The following ADAP1 variants were observed in gnomAD, a reference collection of about 807,000 sequenced individuals.
The protein encoded by ADAP1 is arf-GAP with dual PH domain-containing protein 1.
ADAP1 carries 31 observed loss-of-function variants against 54.9 expected under a neutral mutation model. The observed-to-expected ratio is 0.56, with a 90% confidence interval of 0.42 to 0.76. ADAP1 has a LOEUF of 0.76. Ranked by LOEUF, ADAP1 falls within the 30% of genes least tolerant of loss-of-function variation. The probability of loss-of-function intolerance (pLI) is 0.00; values close to 1 mark genes in which losing one functional copy is unlikely to be tolerated. For synonymous variants in ADAP1, 313 were observed against 202.6 expected, an observed-to-expected ratio of 1.55 and a Z score of -4.63; for missense variants, 535 against 512.4, an observed-to-expected ratio of 1.04 and a Z score of -0.42.
In ADAP1 at chr7:945,932, G is replaced by T; in HGVS notation, c.82+8464C>A. The T allele has an allele frequency of 1.8e-6, 1 of 549,272 alleles. No individual in the cohort carries two copies. The highest frequency in any genetic ancestry group is 2.3e-6 in the Non-Finnish European group (1 of 431,306). The allele number at this position is 549,272 out of a possible 1,614,324, so 34.0% of individuals were successfully genotyped here. On this transcript the variant is annotated intron_variant, in intron 1 of 10. Coordinates refer to ENST00000265846, the MANE Select transcript of ADAP1 (RefSeq NM_006869.4). This position sits in a 1 kb window ranked among gnomAD's most constrained non-coding sequence, Gnocchi z 4.2. ...AGGGGGAAGGGCAGTAGCCAAGCCT[G>T]TCCATGGGGCCCTGGTTCCAGAGAC...
At chr7:900,960 C>A (rs1468703937) in intron 6 of ADAP1, 2 of 541,694 alleles carry the variant, frequency 3.7e-6, no homozygotes, top group African/African-American at 3.8e-5. Context: ...GCTGCTGGGG[C>A]CTGGGCCAAC....
At chr7:906,760 A>ACG (rs1465137157) in intron 4 of ADAP1, among the ~76,000 whole-genome samples, 15 of 24,264 alleles carry the variant, frequency 6.2e-4, no homozygotes, top group African/African-American at 2.8e-3. Context: ...GGACATGGAC[A>ACG]GGGGACATGG....
At chr7:913,627 C>T (rs1049421447) in intron 4 of ADAP1, among the ~76,000 whole-genome samples, 4 of 152,096 alleles carry the variant, frequency 2.6e-5, no homozygotes, top group African/African-American at 9.7e-5. Context: ...ACTCCCCCAG[C>T]TTTAGCCATT....
chr7:935,669 G>A (rs1191028495), intron 1 of ADAP1, among the ~76,000 whole-genome samples, 164 bp from the exon 2 acceptor site: 1 of 114,026 alleles, frequency 8.8e-6, no homozygotes, highest in Non-Finnish European at 1.9e-5. Context: ...CCTAACCCCA[G>A]CTCCCCCCCC....
At position 900,860 on chromosome 7, in the gene ADAP1, C is replaced by T. The variant is rs913599814; in HGVS notation, c.649-244G>A. 6.6e-6 allele frequency: 4 copies of T among 601,976 alleles called. No individual in the cohort carries two copies. In the Admixed American group the frequency reaches 7.0e-5, roughly 10 times the overall value. 37.3% of individuals were successfully genotyped at this position (601,976 alleles called of 1,614,324 possible). A position where few individuals can be genotyped will look rare whatever the true frequency, so the allele number is the denominator to read the frequency against. On this transcript the variant is annotated intron_variant, in intron 6 of 10. Coordinates refer to ENST00000265846, the MANE Select transcript of ADAP1 (RefSeq NM_006869.4). ...CAGGTGCAGCCTCCCCCGGCGAAGT[C>T]CTGAGAAGGGCCGAAGGGCCGAAGG...
chr7:925,664 G>GC (rs1401210728), intron 3 of ADAP1, among the ~76,000 whole-genome samples: 1 of 152,258 alleles, frequency 6.6e-6, no homozygotes, highest in African/African-American at 2.4e-5. Flanking sequence ...GGCTGTCTCA[G>GC]CCCCCGAGTC....
rs537850197 is a variant in ADAP1 at position 930,909 on chromosome 7, G to T, written c.214-4265C>A. On this transcript the variant is annotated intron_variant, in intron 2 of 10. Transcript: ENST00000265846. ...GCAAGAGGATCACTTGAGCCTGAAA[G>T]TTCAAGGCTTTAGTGAGCTATGATA... 5.4e-4 allele frequency among the ~76,000 whole-genome samples: 81 copies of T among 150,522 alleles called. 1 individual carries two copies. The highest frequency in any genetic ancestry group is 2.0e-3 in the African/African-American group (80 of 40,884).
chr7:933,280 AAAG>A (rs1236452062), intron 2 of ADAP1, among the ~76,000 whole-genome samples: 12 of 151,852 alleles, frequency 7.9e-5, no homozygotes, highest in Non-Finnish European at 1.6e-4. Flanking sequence ...CAAAAAAAAA[AAAG>A]AATTCCTGGG....
intron 5 of ADAP1, 23 bp from the exon 6 acceptor site, chr7:904,295 C>T (rs763035720): frequency 6.4e-7 from 1 of 1,557,084 alleles, no homozygotes; most frequent in Admixed American, 1.8e-5. Context: ...GGGGTCTAAG[C>T]ACCTCACAGG....
chr7:906,179 GGAAAGGAGAAAGGA>G (rs1554272091), intron 4 of ADAP1, among the ~76,000 whole-genome samples: 1 of 66,204 alleles, frequency 1.5e-5, no homozygotes, highest in Non-Finnish European at 3.2e-5. Context: ...AAGGAGAAAG[GGAAAGGAGAAAGGA>G]GAAAGGAGAA....
intron 4 of ADAP1, among the ~76,000 whole-genome samples, chr7:913,632 G>A (rs1008139994): frequency 6.6e-6 from 1 of 151,922 alleles, no homozygotes; most frequent in Admixed American, 6.5e-5. Flanking sequence ...CCCAGCTTTA[G>A]CCATTAAAAG....
upstream of ADAP1, chr7:955,181 C>A: frequency 5.3e-6 from 5 of 936,800 alleles, no homozygotes; most frequent in Non-Finnish European, 8.3e-6. Context: ...AGCCGCCCAC[C>A]ACCCACAGAT....
chr7:947,438 C>T (rs1240394642), intron 1 of ADAP1, among the ~76,000 whole-genome samples: 1 of 152,052 alleles, frequency 6.6e-6, no homozygotes, highest in Non-Finnish European at 1.5e-5. Context: ...TCCTCCAGAG[C>T]TGCCCGTGTG....
upstream of ADAP1, chr7:955,379 T>C (rs770768168): frequency 1.9e-6 from 3 of 1,550,256 alleles, no homozygotes; most frequent in South Asian, 2.4e-5. Context: ...GTTAATGCAG[T>C]ACACCCGGCT....
intron 4 of ADAP1, among the ~76,000 whole-genome samples, chr7:909,180 C>CGCCGCATTCCAG (rs1845609800): frequency 8.8e-6 from 1 of 113,026 alleles, no homozygotes. Flanking sequence ...CAGGCGCCAG[C>CGCCGCATTCCAG]GGGAACCCCG....
In ADAP1 at chr7:920,376, G is replaced by A. The variant is rs1391055344; in HGVS notation, c.306-326C>T. On this transcript the variant is annotated intron_variant, in intron 3 of 10. Transcript: ENST00000265846. This position sits in a 1 kb window ranked among gnomAD's most constrained non-coding sequence, Gnocchi z 4.5. The stretch of plus-strand genomic sequence containing the variant: ...TTGGCCTCAGCTGATGCCCCACAGG[G>A]CTGGGGTACAGGGGTTGAGCCAGGC... Among the ~76,000 whole-genome samples the A allele has an allele frequency of 1.3e-5, 2 of 152,184 alleles. No homozygotes were observed. The highest frequency in any genetic ancestry group is 1.3e-4 in the Admixed American group (2 of 15,294).
At position 911,903 on chromosome 7, in the gene ADAP1, C is replaced by A. The variant is rs997456527; in HGVS notation, c.389-6731G>T. On this transcript the variant is annotated intron_variant, in intron 4 of 10. Transcript: ENST00000265846. ...TCTGGCCAGGCCCCAAACACCCGTC[C>A]CCCCGAGGGGCAGCCCCACAGCTCT... 4.6e-5 allele frequency among the ~76,000 whole-genome samples: 7 copies of A among 152,266 alleles called. 1 individual carries two copies. The highest frequency in any genetic ancestry group is 4.4e-5 in the Non-Finnish European group (3 of 67,970).
At position 935,429 on chromosome 7, in the gene ADAP1, C is replaced by A. The variant is rs372856564; in HGVS notation, c.159G>T (p.Gln53His). Residue 53 changes from glutamine to histidine, a missense_variant, in exon 2 of 11, where the codon CAG becomes CAT. Transcript: ENST00000265846. ...SCSGIHRNIP[Q>H]VSKVKSVRLD... is the part of the protein sequence containing the mutation. ...GGCGGACGGACTTCACCTTGCTGAC[C>A]TGGGGGATATTCCGGTGGATTCCCG... The A allele has an allele frequency of 1.5e-5, 23 of 1,561,218 alleles. No homozygotes were observed. Among genetic ancestry groups the A allele is most frequent in the Non-Finnish European group, 2.0e-5 (23 of 1,152,516 alleles).
In ADAP1 at chr7:899,529, A is replaced by C. The variant is rs765413471; in HGVS notation, c.796-39T>G. On this transcript the variant is annotated intron_variant, in intron 8 of 10. Transcript: ENST00000265846. ...AGGGCCCGTGACCGGCAGGTCGCCGAGGCAGGCCCTACATCCAGCTGACCA... is the reference window on the plus strand; with the variant it reads ...AGGGCCCGTGACCGGCAGGTCGCCGCGGCAGGCCCTACATCCAGCTGACCA... 10 of 1,598,496 alleles carry C rather than the reference A, an allele frequency of 6.3e-6. No homozygotes were observed. In the African/African-American group the frequency reaches 1.3e-4, roughly 21 times the overall value.
Sources: gnomAD v4.1 joint callset for allele counts (sites outside exome capture counted in the v4.1 genomes callset) on GRCh38, gnomAD v4.1.1 for gene constraint, Gnocchi (gnomAD v3.1) non-coding constraint, MANE v1.5 for transcripts, NCBI Gene and HGNC (gene_info 2026-07-23, HGNC 2026-07-21) for gene names.